Variants in RSPO3 observed in about 807,000 individuals in gnomAD.
RSPO3 encodes the protein R-spondin 3.
RSPO3 carries 17 observed loss-of-function variants against 36.5 expected under a neutral mutation model. The observed-to-expected ratio is 0.47, with a 90% confidence interval of 0.32 to 0.70. The LOEUF (loss-of-function observed/expected upper bound fraction) is 0.70, where lower values mean the gene tolerates loss of function less well. RSPO3 is among the 30% of genes least tolerant of loss of function. The pLI, the probability that RSPO3 is intolerant of heterozygous loss-of-function variation, is 0.04. For synonymous variants in RSPO3, 108 were observed against 107.0 expected (o/e 1.01, Z -0.06); for missense variants, 294 against 322.5 (o/e 0.91, Z 0.68).
At chr6:127,119,331 G>A (rs1374477373) in intron 1 of RSPO3, 42 bp downstream of exon 1, 1 of 1,453,196 alleles carries the variant, frequency 6.9e-7, no homozygotes, top group East Asian at 2.3e-5. Flanking sequence ...CTCCCGCCGC[G>A]TTCACCTGTC....
chr6:127,187,957 C>G (rs1775329648), intron 4 of RSPO3, among the ~76,000 whole-genome samples: 3 of 152,074 alleles, frequency 2.0e-5, no homozygotes, highest in Non-Finnish European at 4.4e-5. Context: ...CCCCTGATCA[C>G]TTTTAACTGT....
intron 4 of RSPO3, among the ~76,000 whole-genome samples, chr6:127,176,553 G>A (rs549983516): frequency 6.0e-5 from 9 of 150,788 alleles, no homozygotes; most frequent in Non-Finnish European, 8.9e-5. Flanking sequence ...TTTTTGATAC[G>A]GTCAAACAAA....
At chr6:127,184,322 C>T (rs1775246921) in intron 4 of RSPO3, among the ~76,000 whole-genome samples, 1 of 151,716 alleles carries the variant, frequency 6.6e-6, no homozygotes. Context: ...ATTGTTCTTC[C>T]TAATATTATG....
chr6:127,163,086 T>TAGG (rs1284052849), intron 4 of RSPO3, among the ~76,000 whole-genome samples: 10 of 152,046 alleles, frequency 6.6e-5, no homozygotes, highest in Non-Finnish European at 1.2e-4. Flanking sequence ...CCCTGCCAAT[T>TAGG]AGGAGGGTTC....
At position 127,155,444 on chromosome 6, in the gene RSPO3, A is replaced by G. The variant is rs1446230803; in HGVS notation, c.634+6A>G. ...GTGTCAGAAGGGAGAACGAGGTACA[A>G]TCATAATAACAAAATGTGCTTGTTT... is the stretch of plus-strand genomic sequence containing the variant. On this transcript the variant is annotated splice_donor_region_variant and intron_variant, in intron 4 of 4. Coordinates refer to ENST00000356698, the MANE Select transcript of RSPO3 (RefSeq NM_032784.5). 3.7e-6 allele frequency: 6 copies of G among 1,611,394 alleles called. No individual in the cohort carries two copies. Among genetic ancestry groups the G allele is most frequent in the Non-Finnish European group, 5.1e-6 (6 of 1,178,154 alleles).
intron 2 of RSPO3, 78 bp from the exon 3 acceptor site, chr6:127,150,348 G>A (rs1774466937): frequency 2.9e-6 from 4 of 1,372,730 alleles, no homozygotes; most frequent in Admixed American, 4.2e-5. Context: ...GTGTGTGGCT[G>A]TGTCTGACAC....
intron 4 of RSPO3, among the ~76,000 whole-genome samples, chr6:127,192,070 A>G (rs1405744030): frequency 6.6e-6 from 1 of 152,158 alleles, no homozygotes; most frequent in Non-Finnish European, 1.5e-5. Context: ...GGCTCACCTC[A>G]AACATCATTA....
chr6:127,162,625 A>G (rs1048469408), intron 4 of RSPO3, among the ~76,000 whole-genome samples: 2 of 152,186 alleles, frequency 1.3e-5, no homozygotes, highest in Non-Finnish European at 2.9e-5. Flanking sequence ...GGGCACTCTT[A>G]GGTGCTGAGG....
chr6:127,191,347 T>TG (rs1775406086), intron 4 of RSPO3, among the ~76,000 whole-genome samples: 5 of 151,954 alleles, frequency 3.3e-5, no homozygotes, highest in African/African-American at 4.8e-5. Context: ...CAAAATAAAC[T>TG]GGGGGGGAGG....
chr6:127,142,055 G>C lies in RSPO3; in HGVS notation c.98-6593G>C, dbSNP rs73773201. On this transcript the variant is annotated intron_variant, in intron 1 of 4. Coordinates refer to ENST00000356698, the MANE Select transcript of RSPO3 (RefSeq NM_032784.5). ...TAAACAGTATTTCAAAAATGGCAGG[G>C]TCTGTATATATTTGGACATATAAAC... 4.1e-3 allele frequency among the ~76,000 whole-genome samples: 616 copies of C among 152,098 alleles called. 3 individuals are homozygous for C. Among genetic ancestry groups the C allele is most frequent in the African/African-American group, 0.014 (578 of 41,494 alleles).
intron 1 of RSPO3, among the ~76,000 whole-genome samples, chr6:127,129,578 C>T (rs972592931): frequency 2.0e-5 from 3 of 151,972 alleles, no homozygotes; most frequent in African/African-American, 4.8e-5. Flanking sequence ...GTTAATTGTC[C>T]CTAAGGATGG....
intron 4 of RSPO3, among the ~76,000 whole-genome samples, chr6:127,188,161 G>A (rs971280364): frequency 6.6e-6 from 1 of 152,098 alleles, no homozygotes; most frequent in Non-Finnish European, 1.5e-5. Flanking sequence ...TCACGACATT[G>A]AGCCAACATT....
chr6:127,182,756 C>T (rs1775214090), intron 4 of RSPO3, among the ~76,000 whole-genome samples: 2 of 151,886 alleles, frequency 1.3e-5, no homozygotes, highest in African/African-American at 4.8e-5. Context: ...ACAACAAAAG[C>T]CACAGTTATT....
At chr6:127,145,989 C>T (rs1774374924) in intron 1 of RSPO3, among the ~76,000 whole-genome samples, 1 of 152,032 alleles carries the variant, frequency 6.6e-6, no homozygotes. Flanking sequence ...TTGTGTAATA[C>T]TGACTGTGTA....
chr6:127,132,599 A>G (rs1774079162), intron 1 of RSPO3, among the ~76,000 whole-genome samples: 1 of 152,120 alleles, frequency 6.6e-6, no homozygotes, highest in East Asian at 1.9e-4. Flanking sequence ...GAAGTAACAT[A>G]TCTGAGATCT....
intron 1 of RSPO3, among the ~76,000 whole-genome samples, chr6:127,120,982 G>A (rs1773833264): frequency 6.6e-6 from 1 of 152,246 alleles, no homozygotes; most frequent in Non-Finnish European, 1.5e-5. Context: ...TCTGGCCTGG[G>A]GAATTGAGTC....
At chr6:127,161,227 C>G (rs1774704305) in intron 4 of RSPO3, among the ~76,000 whole-genome samples, 1 of 151,948 alleles carries the variant, frequency 6.6e-6, no homozygotes, top group Non-Finnish European at 1.5e-5. Context: ...ATTGACTCCC[C>G]TGTGTCATAA....
intron 4 of RSPO3, among the ~76,000 whole-genome samples, chr6:127,164,584 T>C (rs1200755737): frequency 6.6e-6 from 1 of 152,002 alleles, no homozygotes; most frequent in Non-Finnish European, 1.5e-5. Flanking sequence ...GAAAAAATAA[T>C]CTACTATGCA....
intron 4 of RSPO3, among the ~76,000 whole-genome samples, chr6:127,190,107 A>C (rs1217204183): frequency 6.6e-6 from 1 of 152,190 alleles, no homozygotes; most frequent in Non-Finnish European, 1.5e-5. Flanking sequence ...TCTTCCTTGC[A>C]AATTTTCCCA....
Sources: allele counts gnomAD v4.1 joint callset (sites outside exome capture counted in the v4.1 genomes callset), GRCh38; gene constraint gnomAD v4.1.1; transcripts MANE v1.5; gene names NCBI Gene and HGNC (gene_info 2026-07-23, HGNC 2026-07-21).